The following RBFOX3 variants were observed in gnomAD, a reference collection of about 807,000 sequenced individuals.
The protein encoded by RBFOX3 is RNA binding fox-1 homolog 3, also known as RNA binding protein fox-1 homolog 3.
RBFOX3 carries 17 observed loss-of-function variants against 48.7 expected under a neutral mutation model. The ratio of observed to expected loss-of-function variants is 0.35; its 90% CI spans 0.24 to 0.52. The LOEUF (loss-of-function observed/expected upper bound fraction) is 0.52. Ranked by LOEUF, RBFOX3 falls within the 20% of genes least tolerant of loss-of-function variation. The pLI is 0.94. For missense variants in RBFOX3, 382 were observed against 497.5 expected (o/e 0.77, Z 2.21); for synonymous variants, 212 against 209.5 (o/e 1.01, Z -0.10).
chr17:79,512,604 G>A (rs1439976295), intron 1 of RBFOX3, among the ~76,000 whole-genome samples: 1 of 138,004 alleles, frequency 7.2e-6, no homozygotes, highest in Admixed American at 7.1e-5. Flanking sequence ...ACAGCCCCAT[G>A]GCCAGGGGAC....
intron 3 of RBFOX3, among the ~76,000 whole-genome samples, chr17:79,268,669 C>T (rs1052382003): frequency 2.0e-5 from 3 of 152,234 alleles, no homozygotes; most frequent in African/African-American, 4.8e-5. Flanking sequence ...TGGCTGACTC[C>T]AGCCCCCGTG....
the RBFOX3 span, among the ~76,000 whole-genome samples, chr17:79,646,109 C>T: frequency 6.6e-6 from 1 of 152,160 alleles, no homozygotes; most frequent in African/African-American, 2.4e-5. Context: ...CCCCCAACCC[C>T]CAGCCACTCC....
At chr17:79,102,762 G>C (rs979070534) in intron 8 of RBFOX3, among the ~76,000 whole-genome samples, 12 of 152,226 alleles carry the variant, frequency 7.9e-5, no homozygotes, top group African/African-American at 2.9e-4. Context: ...GGGCCATGTG[G>C]GGACAGGTTG....
chr17:79,489,368 C>T (rs1375668049), intron 1 of RBFOX3, among the ~76,000 whole-genome samples: 9 of 152,158 alleles, frequency 5.9e-5, no homozygotes, highest in African/African-American at 2.2e-4. Context: ...GAACACAGCT[C>T]ACTGCAGCCT....
chr17:79,135,042 T>C (rs1411503128), intron 4 of RBFOX3: 3 of 152,012 alleles, frequency 2.0e-5, no homozygotes, highest in East Asian at 1.9e-4. Flanking sequence ...GATGGTGAGG[T>C]TGAGGACACT....
the RBFOX3 span, among the ~76,000 whole-genome samples, chr17:79,638,067 A>C: frequency 6.6e-6 from 1 of 152,142 alleles, no homozygotes; most frequent in Non-Finnish European, 1.5e-5. Context: ...AATACACCAA[A>C]ATGTATGGGA....
intron 2 of RBFOX3, among the ~76,000 whole-genome samples, chr17:79,384,300 C>T (rs1455460732): frequency 6.6e-6 from 1 of 152,164 alleles, no homozygotes; most frequent in Non-Finnish European, 1.5e-5. Context: ...TAGGTCTGTT[C>T]AGAGGGAGCT....
chr17:79,315,363 G>A (rs952678659), intron 2 of RBFOX3, among the ~76,000 whole-genome samples: 1 of 152,180 alleles, frequency 6.6e-6, no homozygotes. Flanking sequence ...TCTCCATACC[G>A]AGAAGGAGGC....
intron 4 of RBFOX3, among the ~76,000 whole-genome samples, chr17:79,140,946 C>G (rs1477367058): frequency 6.6e-6 from 1 of 152,204 alleles, no homozygotes; most frequent in Non-Finnish European, 1.5e-5. Flanking sequence ...CCTCTCCTAC[C>G]AATGCTGAAG....
In RBFOX3 at chr17:79,361,441, GGC is replaced by G; in HGVS notation, c.-174-53619_-174-53618del. On this transcript the variant is annotated intron_variant, in intron 2 of 14. Transcript: ENST00000693108. This position sits in a 1 kb window ranked among gnomAD's most constrained non-coding sequence, Gnocchi z 4.5. ...CAGATGCTGGGAGGACCCTCACGGTGGCCCTTGGTTACTGGAGTCACCAGGAC... is the reference window on the plus strand; with the variant it reads ...CAGATGCTGGGAGGACCCTCACGGTGCCTTGGTTACTGGAGTCACCAGGAC... 6.6e-6 allele frequency among the ~76,000 whole-genome samples: 1 copy of G among 152,266 alleles called. No homozygotes were observed. The highest frequency in any genetic ancestry group is 1.9e-4 in the East Asian group (1 of 5,170).
At chr17:79,513,504 C>T (rs2084806573) in intron 1 of RBFOX3, among the ~76,000 whole-genome samples, 1 of 152,242 alleles carries the variant, frequency 6.6e-6, no homozygotes, top group South Asian at 2.1e-4. Context: ...CACAGCTGCC[C>T]TGACCATACC....
the RBFOX3 span, among the ~76,000 whole-genome samples, chr17:79,632,852 C>T: frequency 1.3e-5 from 2 of 151,766 alleles, no homozygotes; most frequent in Non-Finnish European, 2.9e-5. Context: ...GAGGTCAAGG[C>T]TACAGTGAGC....
At chr17:79,308,837 G>A (rs2076433538) in intron 2 of RBFOX3, among the ~76,000 whole-genome samples, 1 of 151,466 alleles carries the variant, frequency 6.6e-6, no homozygotes, top group Non-Finnish European at 1.5e-5. Context: ...TTGTTTGTTG[G>A]ACCGGGTGTG....
At chr17:79,579,513 C>T (rs1352947262) in intron 1 of RBFOX3, among the ~76,000 whole-genome samples, 2 of 152,220 alleles carry the variant, frequency 1.3e-5, no homozygotes, top group East Asian at 1.9e-4. Context: ...GCAGAGGGGT[C>T]GGCAATGCTG....
chr17:79,215,796 G>A (rs9892007), intron 4 of RBFOX3, among the ~76,000 whole-genome samples: 74,602 of 152,168 alleles, frequency 0.49, 19,404 homozygotes, highest in East Asian at 0.59. Context: ...CCCTGAAGCG[G>A]AGCACCCACT....
chr17:79,386,755 A>G (rs989771697), intron 2 of RBFOX3, among the ~76,000 whole-genome samples: 1 of 150,988 alleles, frequency 6.6e-6, no homozygotes, highest in African/African-American at 2.4e-5. Context: ...CCCACCCCCT[A>G]CTCCAAGCAG....
chr17:79,123,619 C>T (rs150568454), intron 4 of RBFOX3, among the ~76,000 whole-genome samples: 16 of 152,288 alleles, frequency 1.1e-4, no homozygotes, highest in East Asian at 3.9e-4. Flanking sequence ...AAAGACGTCT[C>T]GGTGGGCGTG....
At chr17:79,543,500 C>T (rs1555790952) in intron 1 of RBFOX3, among the ~76,000 whole-genome samples, 1 of 152,104 alleles carries the variant, frequency 6.6e-6, no homozygotes, top group Non-Finnish European at 1.5e-5. Flanking sequence ...CTACGTCTCT[C>T]GTGGGGCAGG....
intron 2 of RBFOX3, among the ~76,000 whole-genome samples, chr17:79,468,604 A>ATGGT (rs2076624256): frequency 6.6e-6 from 1 of 151,728 alleles, no homozygotes; most frequent in African/African-American, 2.4e-5. Flanking sequence ...GGATGGATGG[A>ATGGT]TAGATAGATA....
Sources: allele counts gnomAD v4.1 joint callset (sites outside exome capture counted in the v4.1 genomes callset), GRCh38; gene constraint gnomAD v4.1.1; non-coding constraint Gnocchi (gnomAD v3.1); transcripts MANE v1.5; gene names NCBI Gene and HGNC (gene_info 2026-07-23, HGNC 2026-07-21).